The following IST1 variants were observed in gnomAD, a reference collection of about 807,000 sequenced individuals.
The protein encoded by IST1 is IST1 factor associated with ESCRT-III, also known as IST1 homolog.
Under a neutral mutation model 37.0 loss-of-function variants are expected in IST1, and 23 were observed. The ratio of observed to expected loss-of-function variants is 0.62; its 90% CI spans 0.45 to 0.88. IST1 has a LOEUF of 0.88. IST1 is among the 40% of genes least tolerant of loss of function. IST1 has a pLI of 0.00. For missense variants in IST1, 488 were observed against 445.4 expected, an observed-to-expected ratio of 1.10 and a Z score of -0.86; for synonymous variants, 180 against 161.7, an observed-to-expected ratio of 1.11 and a Z score of -0.86.
chr16:71,894,516 G>C (rs1199938254), upstream of IST1: 1 of 242,856 alleles, frequency 4.1e-6, no homozygotes, highest in Non-Finnish European at 8.1e-6. Context: ...AAAATGTTGA[G>C]ATTACAGGCG....
chr16:71,894,936 C>A (rs1008516520), upstream of IST1: 6 of 1,032,982 alleles, frequency 5.8e-6, no homozygotes, highest in East Asian at 5.2e-5. Context: ...TGAGGAAACA[C>A]TACTGAATTA....
chr16:71,918,926 G>A (rs910776707), intron 4 of IST1, among the ~76,000 whole-genome samples: 3 of 152,202 alleles, frequency 2.0e-5, no homozygotes, highest in African/African-American at 4.8e-5. Flanking sequence ...AATGAACAGT[G>A]AGAACTCTCC....
chr16:71,900,515 A>G (rs1266141541), intron 1 of IST1, among the ~76,000 whole-genome samples: 1 of 151,960 alleles, frequency 6.6e-6, no homozygotes, highest in African/African-American at 2.4e-5. Flanking sequence ...TGGGGAGGCT[A>G]ACTAGCTCGC....
intron 1 of IST1, among the ~76,000 whole-genome samples, chr16:71,906,752 T>G (rs1173534317): frequency 6.6e-6 from 1 of 152,206 alleles, no homozygotes. Flanking sequence ...TTTTCAGCAC[T>G]TTAAAAACGT....
At chr16:71,898,334 AC>A (rs2037022324) in intron 1 of IST1, among the ~76,000 whole-genome samples, 1 of 142,156 alleles carries the variant, frequency 7.0e-6, no homozygotes, top group Non-Finnish European at 1.5e-5. Flanking sequence ...CCAAGATTGC[AC>A]CACCTGCCTG....
At chr16:71,915,806 C>T (rs2037454477) in intron 2 of IST1, 78 bp downstream of exon 2, 1 of 843,104 alleles carries the variant, frequency 1.2e-6, no homozygotes. Flanking sequence ...CAGGCCAGTA[C>T]TATGAAGTCT....
chr16:71,899,994 C>CT (rs1327747457), intron 1 of IST1, among the ~76,000 whole-genome samples: 2 of 88,244 alleles, frequency 2.3e-5, no homozygotes, highest in African/African-American at 6.7e-5. Flanking sequence ...AAGACTCTGT[C>CT]TCAAAAAAAA....
intron 2 of IST1, 121 bp from the exon 3 acceptor site, chr16:71,916,341 T>C (rs2037465473): frequency 2.2e-6 from 2 of 907,368 alleles, no homozygotes; most frequent in South Asian, 1.7e-5. Flanking sequence ...TTAGATTTGC[T>C]AAAGGAGAGG....
intron 3 of IST1, among the ~76,000 whole-genome samples, 162 bp downstream of exon 3, chr16:71,916,804 G>C (rs1198809362): frequency 6.6e-6 from 1 of 152,228 alleles, no homozygotes; most frequent in Non-Finnish European, 1.5e-5. Flanking sequence ...CTGAAACTGA[G>C]AAGCCTAAAT....
chr16:71,896,203 C>A (rs894613679), intron 1 of IST1, among the ~76,000 whole-genome samples: 1 of 152,056 alleles, frequency 6.6e-6, no homozygotes. Flanking sequence ...TGGAAGGATC[C>A]TTGCGCCTCT....
At chr16:71,895,636 C>G (rs926070698) in intron 1 of IST1, 47 bp downstream of exon 1, 5 of 785,544 alleles carry the variant, frequency 6.4e-6, no homozygotes, top group Non-Finnish European at 6.2e-6. Flanking sequence ...TTCCTCTTCT[C>G]TCTGCGCTCC....
upstream of IST1, chr16:71,894,750 G>A: frequency 1.1e-6 from 1 of 869,722 alleles, no homozygotes; most frequent in South Asian, 1.5e-5. Context: ...TGTCCAGGCT[G>A]GTCTGCAACT....
intron 1 of IST1, among the ~76,000 whole-genome samples, chr16:71,915,174 T>TA (rs550301044): frequency 6.6e-6 from 1 of 152,214 alleles, no homozygotes; most frequent in Non-Finnish European, 1.5e-5. Context: ...GGTCTAAATT[T>TA]AATCATCTTC....
chr16:71,922,325 C>T (rs1159912779), intron 6 of IST1, 149 bp from the exon 7 acceptor site: 2 of 691,572 alleles, frequency 2.9e-6, no homozygotes, highest in Admixed American at 2.5e-5. Context: ...CTCCTTCCAC[C>T]TAACTCTGCC....
At chr16:71,909,095 CTTTTTTT>C (rs34086105) in intron 1 of IST1, among the ~76,000 whole-genome samples, 26 of 102,942 alleles carry the variant, frequency 2.5e-4, no homozygotes, top group East Asian at 1.1e-3. Flanking sequence ...TTTTGTTTGT[CTTTTTTT>C]TTTTTTTTTT....
chr16:71,901,040 T>G (rs532388463), intron 1 of IST1, among the ~76,000 whole-genome samples: 1 of 152,344 alleles, frequency 6.6e-6, no homozygotes, highest in South Asian at 2.1e-4. Context: ...AAAATTTGTT[T>G]ATGTTTGTTA....
intron 1 of IST1, among the ~76,000 whole-genome samples, chr16:71,909,095 C>CTTTTTTTTTTTTTTTTTTTTTTT (rs34086105): frequency 9.7e-6 from 1 of 102,932 alleles, no homozygotes; most frequent in Non-Finnish European, 1.9e-5. Context: ...TTTTGTTTGT[C>CTTTTTTTTTTTTTTTTTTTTTTT]TTTTTTTTTT....
chr16:71,907,186 T>C (rs2037242536), intron 1 of IST1, among the ~76,000 whole-genome samples: 3 of 113,818 alleles, frequency 2.6e-5, no homozygotes, highest in African/African-American at 3.5e-5. Context: ...ATTTTTTCTT[T>C]CTTTTTTTTT....
intron 8 of IST1, 77 bp from the exon 9 acceptor site, chr16:71,924,692 A>C (rs1194018777): frequency 2.6e-6 from 3 of 1,152,234 alleles, no homozygotes; most frequent in Non-Finnish European, 3.9e-6. Flanking sequence ...TAACTTTTGG[A>C]AACACAGGGG....
Sources: gnomAD v4.1 joint callset for allele counts (sites outside exome capture counted in the v4.1 genomes callset) on GRCh38, gnomAD v4.1.1 for gene constraint, MANE v1.5 for transcripts, NCBI Gene and HGNC (gene_info 2026-07-23, HGNC 2026-07-21) for gene names.